GFRA1: variants seen among roughly 807,000 people sequenced by gnomAD.
GFRA1 encodes the protein GDNF family receptor alpha 1.
GFRA1 carries 16 observed loss-of-function variants against 51.6 expected under a neutral mutation model. That is an observed-to-expected ratio of 0.31 (90% CI 0.21 to 0.47). The LOEUF (loss-of-function observed/expected upper bound fraction) is 0.47. Ranked by LOEUF, GFRA1 falls within the 20% of genes least tolerant of loss-of-function variation. The pLI is 1.00. For missense variants in GFRA1, 530 were observed against 594.3 expected (o/e 0.89, Z 1.13); for synonymous variants, 270 against 241.3 (o/e 1.12, Z -1.10).
chr10:116,271,006 C>T lies in GFRA1; in HGVS notation c.150G>A (p.Arg50=). ...QSCSTKYRTL[R]QCVAGKETNF... is the part of the protein sequence containing the mutation. ...TGGTCTCCTTGCCCGCCACGCACTGCCTTAGCGTGCGGTACTTGGTGCTGC... is the reference window on the plus strand; with the variant it reads ...TGGTCTCCTTGCCCGCCACGCACTGTCTTAGCGTGCGGTACTTGGTGCTGC... Residue 50 remains arginine (R), a synonymous_variant, in exon 3 of 11, where the codon AGG becomes AGA. Coordinates refer to ENST00000355422, the MANE Select transcript of GFRA1 (RefSeq NM_005264.8). The T allele has an allele frequency of 7.4e-6, 12 of 1,614,208 alleles. No homozygotes were observed. The highest frequency in any genetic ancestry group is 1.0e-5 in the Non-Finnish European group (12 of 1,180,020).
chr10:116,097,930 G>T (rs1256771076), intron 6 of GFRA1, among the ~76,000 whole-genome samples: 2 of 152,166 alleles, frequency 1.3e-5, no homozygotes, highest in Non-Finnish European at 1.5e-5. Flanking sequence ...CTAAGGAAGC[G>T]CATTATGCAT....
chr10:116,210,162 G>A (rs1194564937), intron 5 of GFRA1, among the ~76,000 whole-genome samples: 2 of 152,156 alleles, frequency 1.3e-5, no homozygotes, highest in Admixed American at 6.5e-5. Context: ...AGGCAGTCTG[G>A]TAAGCCATTT....
intron 6 of GFRA1, among the ~76,000 whole-genome samples, chr10:116,115,135 A>T (rs1159788497): frequency 1.3e-5 from 2 of 152,208 alleles, no homozygotes. Context: ...AATTTCCTGC[A>T]TAATTAATTG....
At position 116,151,824 on chromosome 10, in the gene GFRA1, G is replaced by A. The variant is rs556662867; in HGVS notation, c.434-26267C>T. 8.9e-4 allele frequency among the ~76,000 whole-genome samples: 135 copies of A among 152,314 alleles called. 1 individual carries two copies. The highest frequency in any genetic ancestry group is 3.1e-3 in the African/African-American group (127 of 41,572). ...AAGGCATACAGTTTAGATACTAGTGGAAGAGAGAAGCCAGGCAAACAAGCA... is the reference window on the plus strand; with the variant it reads ...AAGGCATACAGTTTAGATACTAGTGAAAGAGAGAAGCCAGGCAAACAAGCA... On this transcript the variant is annotated intron_variant, in intron 5 of 10. Transcript: ENST00000355422.
At chr10:116,270,103 T>G (rs781430362) in intron 3 of GFRA1, among the ~76,000 whole-genome samples, 45 of 152,154 alleles carry the variant, frequency 3.0e-4, no homozygotes, top group Non-Finnish European at 5.6e-4. Context: ...AGTGTGAGTC[T>G]CAGTCAAGAA....
At chr10:116,114,111 A>G (rs982739968) in intron 6 of GFRA1, among the ~76,000 whole-genome samples, 4 of 152,202 alleles carry the variant, frequency 2.6e-5, no homozygotes, top group African/African-American at 9.6e-5. Context: ...TCACTGAGTC[A>G]GTGGCTGCCC....
At chr10:116,152,710 T>C (rs1959111301) in intron 5 of GFRA1, among the ~76,000 whole-genome samples, 1 of 152,190 alleles carries the variant, frequency 6.6e-6, no homozygotes, top group African/African-American at 2.4e-5. Flanking sequence ...AGCAGTTGGG[T>C]ATGCTCCGAT....
intron 4 of GFRA1, among the ~76,000 whole-genome samples, chr10:116,251,209 G>A (rs1417741132): frequency 6.6e-6 from 1 of 152,188 alleles, no homozygotes; most frequent in African/African-American, 2.4e-5. Context: ...CCATGCCAAT[G>A]TCCCTAGGAC....
intron 5 of GFRA1, among the ~76,000 whole-genome samples, chr10:116,200,198 C>A (rs962067370): frequency 6.6e-6 from 1 of 152,180 alleles, no homozygotes; most frequent in African/African-American, 2.4e-5. Flanking sequence ...CCTTCTTAGA[C>A]ACATGCTTTC....
intron 4 of GFRA1, among the ~76,000 whole-genome samples, chr10:116,257,426 G>C (rs1032429295): frequency 1.3e-5 from 2 of 152,014 alleles, no homozygotes; most frequent in African/African-American, 4.8e-5. Flanking sequence ...TTTGCCTTCC[G>C]AGCTTGTGCA....
intron 4 of GFRA1, chr10:116,226,755 C>G (rs2134534241): frequency 2.4e-6 from 1 of 417,460 alleles, no homozygotes; most frequent in Admixed American, 2.6e-5. Flanking sequence ...ATTATAGAAC[C>G]AGTGGCAGCC....
chr10:116,220,378 C>T (rs1158702164), intron 4 of GFRA1, among the ~76,000 whole-genome samples: 1 of 152,200 alleles, frequency 6.6e-6, no homozygotes, highest in Non-Finnish European at 1.5e-5. Context: ...ATGTATTCCT[C>T]AGCCAGCTCT....
chr10:116,273,065 G>A (rs1327157230), intron 1 of GFRA1, 98 bp downstream of exon 1: 2 of 152,190 alleles, frequency 1.3e-5, no homozygotes, highest in African/African-American at 4.8e-5. Context: ...AAAAAGAAAG[G>A]GGTGGCCGGA....
At chr10:116,240,981 G>A (rs980945647) in intron 4 of GFRA1, among the ~76,000 whole-genome samples, 4 of 152,126 alleles carry the variant, frequency 2.6e-5, no homozygotes, top group African/African-American at 9.7e-5. Context: ...TTGCAGAGTT[G>A]ACATCTGAAA....
chr10:116,166,371 C>T (rs1436269191), intron 5 of GFRA1, among the ~76,000 whole-genome samples: 3 of 152,082 alleles, frequency 2.0e-5, no homozygotes, highest in Non-Finnish European at 4.4e-5. Context: ...GAGGAGTCAC[C>T]GCACTGTCTT....
chr10:116,103,772 T>C (rs1956902362), intron 6 of GFRA1, among the ~76,000 whole-genome samples: 1 of 152,174 alleles, frequency 6.6e-6, no homozygotes, highest in South Asian at 2.1e-4. Flanking sequence ...TTCCTCTTTC[T>C]GTTTTTAGAA....
rs186315265 is a variant in GFRA1 at position 116,084,320 on chromosome 10, G to C, written c.1197+5421C>G. ...CTGCTTTGTGGTTTCCTTCTAGAATGCTGTTTTAAAAGTCCCACCAGGATG... is the reference window on the plus strand; with the variant it reads ...CTGCTTTGTGGTTTCCTTCTAGAATCCTGTTTTAAAAGTCCCACCAGGATG... On this transcript the variant is annotated intron_variant, in intron 9 of 10. Coordinates refer to ENST00000355422, the MANE Select transcript of GFRA1 (RefSeq NM_005264.8). Among the ~76,000 whole-genome samples, 29 of 152,328 alleles carry C rather than the reference G, an allele frequency of 1.9e-4. No individual in the cohort carries two copies. The East Asian group carries it at 4.1e-3, about 21-fold the overall frequency.
At chr10:116,126,548 G>A (rs960155308) in intron 5 of GFRA1, among the ~76,000 whole-genome samples, 56 of 152,380 alleles carry the variant, frequency 3.7e-4, no homozygotes, top group Middle Eastern at 3.4e-3. Flanking sequence ...TTTCTGCAGG[G>A]AGAGGGAAGT....
intron 5 of GFRA1, among the ~76,000 whole-genome samples, chr10:116,188,914 AG>A (rs1237481113): frequency 2.0e-5 from 3 of 149,986 alleles, no homozygotes; most frequent in Non-Finnish European, 4.4e-5. Context: ...AAAAAAAAAA[AG>A]GTAAATGTTA....
Sources: gnomAD v4.1 joint callset for allele counts (sites outside exome capture counted in the v4.1 genomes callset) on GRCh38, gnomAD v4.1.1 for gene constraint, MANE v1.5 for transcripts, NCBI Gene and HGNC (gene_info 2026-07-23, HGNC 2026-07-21) for gene names.